RIMS1: variants seen among roughly 807,000 people sequenced by gnomAD.
RIMS1 encodes regulating synaptic membrane exocytosis protein 1.
In RIMS1, 83 loss-of-function variants were observed where a neutral mutation model predicts 214.1. That is an observed-to-expected ratio of 0.39 (90% CI 0.32 to 0.47). The LOEUF (loss-of-function observed/expected upper bound fraction) is 0.47. RIMS1 is among the 20% of genes least tolerant of loss of function. The probability of loss-of-function intolerance (pLI) is 0.99; values close to 1 mark genes in which losing one functional copy is unlikely to be tolerated. For synonymous variants in RIMS1, 793 were observed against 786.8 expected (o/e 1.01, Z -0.13); for missense variants, 2,050 against 2,161.8 (o/e 0.95, Z 1.03).
At chr6:72,190,757 G>A (rs549590011) in intron 6 of RIMS1, among the ~76,000 whole-genome samples, 1 of 152,246 alleles carries the variant, frequency 6.6e-6, no homozygotes, top group South Asian at 2.1e-4. Flanking sequence ...TCACATATAT[G>A]CCACTTCCAT....
chr6:72,033,707 C>A (rs903524126), intron 2 of RIMS1, among the ~76,000 whole-genome samples: 1 of 152,094 alleles, frequency 6.6e-6, no homozygotes, highest in Non-Finnish European at 1.5e-5. Context: ...GTTTCGAACT[C>A]CTGACCTCAG....
intron 2 of RIMS1, among the ~76,000 whole-genome samples, chr6:71,999,093 A>G (rs1372820068): frequency 6.6e-6 from 1 of 152,034 alleles, no homozygotes; most frequent in Admixed American, 6.6e-5. Flanking sequence ...TTTTTCTCTG[A>G]CTATAGAAAT....
intron 7 of RIMS1, 78 bp from the exon 8 acceptor site, chr6:72,235,540 C>A: frequency 2.2e-6 from 2 of 907,724 alleles, no homozygotes; most frequent in Non-Finnish European, 3.5e-6. Context: ...CCTCTAATGA[C>A]AAGACTTCAT....
chr6:72,296,179 A>T (rs939869966), intron 26 of RIMS1, among the ~76,000 whole-genome samples: 3 of 151,834 alleles, frequency 2.0e-5, no homozygotes, highest in Non-Finnish European at 2.9e-5. Context: ...AATGTTTTTT[A>T]AAAATTTTAT....
At chr6:72,195,443 A>G (rs1261507309) in intron 6 of RIMS1, among the ~76,000 whole-genome samples, 1 of 152,188 alleles carries the variant, frequency 6.6e-6, no homozygotes, top group Non-Finnish European at 1.5e-5. Flanking sequence ...TCAAACAATG[A>G]GTAGCTGAAT....
intron 2 of RIMS1, among the ~76,000 whole-genome samples, chr6:72,092,491 A>T (rs1836569327): frequency 6.6e-6 from 1 of 152,180 alleles, no homozygotes; most frequent in Admixed American, 6.5e-5. Context: ...TTATAGACTG[A>T]GAAAAAGCAA....
At chr6:72,140,769 T>A (rs543926334) in intron 4 of RIMS1, among the ~76,000 whole-genome samples, 12 of 152,188 alleles carry the variant, frequency 7.9e-5, no homozygotes, top group African/African-American at 2.9e-4. Flanking sequence ...ACCATTTTAG[T>A]TCAATTTCGT....
intron 1 of RIMS1, among the ~76,000 whole-genome samples, chr6:71,934,968 A>G (rs1322795551): frequency 6.6e-6 from 1 of 152,230 alleles, no homozygotes; most frequent in Non-Finnish European, 1.5e-5. Context: ...TCAGAATTAA[A>G]ACCCTAAAAT....
chr6:72,331,001 C>T (rs1347813638), intron 28 of RIMS1, among the ~76,000 whole-genome samples: 1 of 151,488 alleles, frequency 6.6e-6, no homozygotes, highest in Non-Finnish European at 1.5e-5. Flanking sequence ...TATAACTTAA[C>T]CCCCTCCCAA....
chr6:71,898,881 C>T (rs1772708835), intron 1 of RIMS1, among the ~76,000 whole-genome samples: 1 of 152,060 alleles, frequency 6.6e-6, no homozygotes. Context: ...ACCCTTTTTA[C>T]ACTTGGTTCC....
chr6:71,941,851 T>C (rs1230242161), intron 1 of RIMS1, among the ~76,000 whole-genome samples: 1 of 152,210 alleles, frequency 6.6e-6, no homozygotes, highest in African/African-American at 2.4e-5. Flanking sequence ...CTTCGTGATC[T>C]GGAATAGGGG....
Position 72,287,558 on chromosome 6 carries a change from G to A in RIMS1, c.3555-3121G>A, listed in dbSNP as rs552201032. Among the ~76,000 whole-genome samples, 9 of 152,092 alleles carry A rather than the reference G, an allele frequency of 5.9e-5. No individual in the cohort carries two copies. The East Asian group carries it at 1.7e-3, about 29-fold the overall frequency. On this transcript the variant is annotated intron_variant, in intron 24 of 33. Coordinates refer to ENST00000521978, the MANE Select transcript of RIMS1 (RefSeq NM_014989.7). ...CTTGAAGATGGTAAACTTAGGGTCA[G>A]GCATACATAAGTTTGAATTAAACTT...
intron 4 of RIMS1, among the ~76,000 whole-genome samples, chr6:72,160,303 T>C (rs994000035): frequency 1.6e-4 from 23 of 139,960 alleles, no homozygotes; most frequent in African/African-American, 5.4e-4. Flanking sequence ...TGGGGTTTTC[T>C]AGATATACAA....
chr6:72,391,213 A>G (rs1364280762), intron 30 of RIMS1, among the ~76,000 whole-genome samples: 1 of 152,116 alleles, frequency 6.6e-6, no homozygotes, highest in Non-Finnish European at 1.5e-5. Flanking sequence ...TCTTGTTTTT[A>G]AAACATTGCT....
intron 23 of RIMS1, among the ~76,000 whole-genome samples, chr6:72,280,892 GTAATACTACAAA>G (rs2154212385): frequency 6.6e-6 from 1 of 152,194 alleles, no homozygotes; most frequent in East Asian, 1.9e-4. Flanking sequence ...CTAGTTCTGT[GTAATACTACAAA>G]TACTACAATA....
intron 2 of RIMS1, among the ~76,000 whole-genome samples, chr6:72,016,865 A>G (rs1812926836): frequency 6.6e-6 from 1 of 152,196 alleles, no homozygotes; most frequent in South Asian, 2.1e-4. Flanking sequence ...GGAGAATAAA[A>G]CATTCTGGGT....
At chr6:72,336,816 C>G (rs534087626) in intron 29 of RIMS1, among the ~76,000 whole-genome samples, 1 of 151,852 alleles carries the variant, frequency 6.6e-6, no homozygotes, top group Admixed American at 6.6e-5. Context: ...TGATATTTCT[C>G]TTTCTTAGGA....
chr6:72,152,017 T>C (rs1025826254), intron 4 of RIMS1, among the ~76,000 whole-genome samples: 22 of 152,010 alleles, frequency 1.4e-4, no homozygotes, highest in African/African-American at 5.1e-4. Flanking sequence ...CATGAACTCA[T>C]AAGGAGGACT....
At chr6:71,989,813 A>T (rs957791163) in intron 2 of RIMS1, among the ~76,000 whole-genome samples, 4 of 152,150 alleles carry the variant, frequency 2.6e-5, no homozygotes, top group African/African-American at 9.7e-5. Flanking sequence ...TCAAACTCGA[A>T]ATAAGATGCA....
Sources: gnomAD v4.1 joint callset for allele counts (sites outside exome capture counted in the v4.1 genomes callset) on GRCh38, gnomAD v4.1.1 for gene constraint, MANE v1.5 for transcripts, NCBI Gene and HGNC (gene_info 2026-07-23, HGNC 2026-07-21) for gene names.